SPAG16: variants seen among roughly 807,000 people sequenced by gnomAD.
SPAG16 encodes sperm-associated antigen 16 protein.
SPAG16 carries 86 observed loss-of-function variants against 80.4 expected under a neutral mutation model. That is an observed-to-expected ratio of 1.07 (90% CI 0.90 to 1.28). The LOEUF is 1.28. Ranked by LOEUF, SPAG16 falls within the 50% of genes most tolerant of loss-of-function variation. The pLI is 0.00. For synonymous variants in SPAG16, 294 were observed against 265.9 expected, an observed-to-expected ratio of 1.11 and a Z score of -1.03; for missense variants, 870 against 765.3, an observed-to-expected ratio of 1.14 and a Z score of -1.61.
At chr2:213,845,575 A>G in intron 10 of SPAG16, among the ~76,000 whole-genome samples, 1 of 152,232 alleles carries the variant, frequency 6.6e-6, no homozygotes, top group East Asian at 1.9e-4. Flanking sequence ...TTCTTTCAAC[A>G]GCAATAAATG....
At chr2:213,942,254 A>G (rs144951446) in intron 12 of SPAG16, among the ~76,000 whole-genome samples, 3 of 152,260 alleles carry the variant, frequency 2.0e-5, no homozygotes, top group East Asian at 3.9e-4. Flanking sequence ...AATCAGGCTG[A>G]CCTGTTTCAT....
chr2:213,746,777 A>G (rs1388529531), intron 10 of SPAG16, among the ~76,000 whole-genome samples: 1 of 152,228 alleles, frequency 6.6e-6, no homozygotes, highest in African/African-American at 2.4e-5. Flanking sequence ...ACTGCACTCC[A>G]GCCTGGGCGA....
chr2:214,340,479 A>G (rs1434356125), intron 15 of SPAG16, among the ~76,000 whole-genome samples: 1 of 152,230 alleles, frequency 6.6e-6, no homozygotes, highest in Non-Finnish European at 1.5e-5. Flanking sequence ...GAATATTGCA[A>G]CATTCTTAGA....
At chr2:213,657,274 A>C (rs138280872) in intron 10 of SPAG16, among the ~76,000 whole-genome samples, 30 of 152,334 alleles carry the variant, frequency 2.0e-4, no homozygotes, top group Non-Finnish European at 1.0e-4. Context: ...AGTATGTTTT[A>C]AGTCCTTCAA....
intron 10 of SPAG16, among the ~76,000 whole-genome samples, chr2:213,803,623 G>A (rs931661477): frequency 9.2e-5 from 14 of 152,278 alleles, no homozygotes; most frequent in African/African-American, 2.2e-4. Flanking sequence ...ATCCAGAGCC[G>A]CGAGGTGTTC....
intron 10 of SPAG16, among the ~76,000 whole-genome samples, chr2:213,541,015 G>A (rs557618721): frequency 6.6e-6 from 1 of 152,386 alleles, no homozygotes; most frequent in East Asian, 1.9e-4. Context: ...GTAAAGACTA[G>A]AGGGGCTTTC....
chr2:213,981,385 A>G (rs1245037184), intron 12 of SPAG16, among the ~76,000 whole-genome samples: 6 of 152,036 alleles, frequency 3.9e-5, no homozygotes, highest in Admixed American at 6.6e-5. Context: ...TTTTTTTCCA[A>G]TGGGGGTTTT....
intron 10 of SPAG16, among the ~76,000 whole-genome samples, chr2:213,540,008 A>G (rs888361829): frequency 6.6e-6 from 1 of 150,472 alleles, no homozygotes; most frequent in South Asian, 2.1e-4. Flanking sequence ...TATTAGCACA[A>G]TGATACCATT....
intron 13 of SPAG16, among the ~76,000 whole-genome samples, chr2:214,036,315 C>G (rs966667744): frequency 6.6e-5 from 10 of 152,160 alleles, no homozygotes; most frequent in Non-Finnish European, 8.8e-5. Flanking sequence ...GTTGCAGGGT[C>G]CTCTTGTACT....
At chr2:213,697,043 G>T (rs1277116027) in intron 10 of SPAG16, among the ~76,000 whole-genome samples, 1 of 152,166 alleles carries the variant, frequency 6.6e-6, no homozygotes, top group Non-Finnish European at 1.5e-5. Flanking sequence ...CGCAGATGGA[G>T]CTAGAGCACA....
At chr2:213,701,856 G>T (rs1382910842) in intron 10 of SPAG16, among the ~76,000 whole-genome samples, 2 of 152,050 alleles carry the variant, frequency 1.3e-5, no homozygotes, top group African/African-American at 2.4e-5. Context: ...CTAGCTCAGG[G>T]ATTGTAAACA....
chr2:213,554,077 A>G (rs1211540054), intron 10 of SPAG16, among the ~76,000 whole-genome samples: 1 of 152,168 alleles, frequency 6.6e-6, no homozygotes. Context: ...CACCACCACT[A>G]CAAATGAGTA....
chr2:213,647,664 C>T (rs560685241), intron 10 of SPAG16, among the ~76,000 whole-genome samples: 1 of 152,160 alleles, frequency 6.6e-6, no homozygotes, highest in Non-Finnish European at 1.5e-5. Flanking sequence ...TCTCTTCAAG[C>T]TCTGAAGGTC....
At chr2:214,282,483 G>A (rs1693025529) in intron 15 of SPAG16, among the ~76,000 whole-genome samples, 1 of 152,056 alleles carries the variant, frequency 6.6e-6, no homozygotes, top group African/African-American at 2.4e-5. Context: ...TTGATAGACT[G>A]ATTATTTCTT....
intron 4 of SPAG16, among the ~76,000 whole-genome samples, chr2:213,316,169 T>A (rs929166372): frequency 2.0e-5 from 3 of 152,044 alleles, no homozygotes; most frequent in African/African-American, 4.8e-5. Context: ...ATCCCTTGAT[T>A]ACTCCAGCCA....
intron 5 of SPAG16, among the ~76,000 whole-genome samples, chr2:213,318,945 G>C (rs1180857676): frequency 1.3e-5 from 2 of 151,894 alleles, no homozygotes; most frequent in African/African-American, 4.8e-5. Flanking sequence ...AGAGAAGCCA[G>C]ATCTCTCCAC....
At chr2:213,927,530 A>G (rs570608283) in intron 11 of SPAG16, among the ~76,000 whole-genome samples, 1 of 152,344 alleles carries the variant, frequency 6.6e-6, no homozygotes, top group African/African-American at 2.4e-5. Context: ...AACCATTTCA[A>G]AAGAATGTTC....
chr2:214,238,071 C>T, intron 15 of SPAG16: 1 of 295,996 alleles, frequency 3.4e-6, no homozygotes. Flanking sequence ...CTGTCATTAG[C>T]ATCAAGAATA....
At chr2:214,046,972 T>C (rs546126961) in intron 13 of SPAG16, among the ~76,000 whole-genome samples, 1 of 151,284 alleles carries the variant, frequency 6.6e-6, no homozygotes, top group Non-Finnish European at 1.5e-5. Flanking sequence ...AACTAGGAAT[T>C]AACTAAAAAA....
Sources: allele counts gnomAD v4.1 joint callset (sites outside exome capture counted in the v4.1 genomes callset), GRCh38; gene constraint gnomAD v4.1.1; transcripts MANE v1.5; gene names NCBI Gene and HGNC (gene_info 2026-07-23, HGNC 2026-07-21).